TIAM2: variants seen among roughly 807,000 people sequenced by gnomAD.
The protein encoded by TIAM2 is TIAM Rac1 associated GEF 2, also known as rho guanine nucleotide exchange factor TIAM2.
Under a neutral mutation model 152.9 loss-of-function variants are expected in TIAM2, and 80 were observed. The ratio of observed to expected loss-of-function variants is 0.52; its 90% CI spans 0.44 to 0.63. TIAM2 has a LOEUF of 0.63. TIAM2 is among the 30% of genes least tolerant of loss of function. The pLI is 0.00. For synonymous variants in TIAM2, 804 were observed against 838.0 expected, an observed-to-expected ratio of 0.96 and a Z score of 0.70; for missense variants, 1,965 against 2,120.1, an observed-to-expected ratio of 0.93 and a Z score of 1.44.
Position 155,173,988 on chromosome 6 carries a change from G to T in TIAM2, c.2362-2828G>T, listed in dbSNP as rs74749441. On this transcript the variant is annotated intron_variant, in intron 9 of 26. Coordinates refer to ENST00000682666, the MANE Select transcript of TIAM2 (RefSeq NM_012454.4). Reference sequence around the variant, plus strand: ...GGAAGTGAGCACCGGTGTGGAGCAGGAGCATGCCACTCCCTTCTGGGGAAT... The same window carrying T: ...GGAAGTGAGCACCGGTGTGGAGCAGTAGCATGCCACTCCCTTCTGGGGAAT... Among the ~76,000 whole-genome samples, 1,478 of 152,332 alleles carry T rather than the reference G, an allele frequency of 9.7e-3. 12 individuals are homozygous for T. The highest frequency in any genetic ancestry group is 0.017 in the Non-Finnish European group (1,150 of 68,036).
chr6:155,024,687 G>A (rs1247367821), intron 1 of TIAM2, among the ~76,000 whole-genome samples: 1 of 148,818 alleles, frequency 6.7e-6, no homozygotes, highest in Non-Finnish European at 1.5e-5. Context: ...ATGTTTGAAA[G>A]CCAAGCTATA....
At chr6:155,052,819 A>G (rs893964517) in intron 1 of TIAM2, among the ~76,000 whole-genome samples, 6 of 152,012 alleles carry the variant, frequency 3.9e-5, no homozygotes, top group Non-Finnish European at 4.4e-5. Flanking sequence ...GATATGCAAC[A>G]TAGGAAAATC....
chr6:155,248,157 C>G lies in TIAM2; in HGVS notation c.3810C>G (p.Ser1270Arg). ...TGGTGTCCCTGACGGACCAGGAGAG[C>G]GAGGAGCACTACCACCTGACGGGTG... ...KELVSLTDQE[S>R]EEHYHLTEAL... The change falls in exon 20 of 27, where the codon AGC becomes AGG. Residue 1270 changes from serine to arginine, a missense_variant. Physicochemically the swap from Ser to Arg is moderately radical, Grantham distance 110 (BLOSUM62 -1). This residue lies in a region of TIAM2 where 935 missense variants were observed against 980.0 expected (regional missense o/e 0.95). Coordinates refer to ENST00000682666, the MANE Select transcript of TIAM2 (RefSeq NM_012454.4). 4 of 1,613,854 alleles carry G rather than the reference C, an allele frequency of 2.5e-6. No individual in the cohort carries two copies. The highest frequency in any genetic ancestry group is 3.4e-6 in the Non-Finnish European group (4 of 1,179,978).
chr6:155,148,028 C>T (rs1194010802), intron 6 of TIAM2, 82 bp from the exon 7 acceptor site: 1 of 1,408,284 alleles, frequency 7.1e-7, no homozygotes, highest in Admixed American at 1.7e-5. Flanking sequence ...GGGTTTTGTA[C>T]ATCTAAGCCC....
In TIAM2 at chr6:155,248,010, C is replaced by G; in HGVS notation, c.3663C>G (p.Asp1221Glu). 1 of 1,613,998 alleles carries G rather than the reference C, an allele frequency of 6.2e-7. No homozygotes were observed. Among genetic ancestry groups the G allele is most frequent in the Non-Finnish European group, 8.5e-7 (1 of 1,179,914 alleles). Reference sequence around the variant, plus strand: ...TCCATCTGCTTGTAGCTAAAACTGACAAAGCCTTCAAGGCTTTTCTGGACG... The same window carrying G: ...TCCATCTGCTTGTAGCTAAAACTGAGAAAGCCTTCAAGGCTTTTCTGGACG... ...VQKVLERAKTDKAFKAFLDAR... is the reference protein window; with the variant it reads ...VQKVLERAKTEKAFKAFLDAR... The change falls in exon 20 of 27, where the codon GAC becomes GAG. Residue 1221 changes from aspartate to glutamate, a missense_variant. Transcript: ENST00000682666.
chr6:155,251,851 G>T, intron 22 of TIAM2, 94 bp from the exon 23 acceptor site: 1 of 960,572 alleles, frequency 1.0e-6, no homozygotes, highest in South Asian at 1.5e-5. Flanking sequence ...TCATACGTTT[G>T]GAGAGTGTTA....
rs752539424 is a variant in TIAM2 at position 155,251,004 on chromosome 6, T to C, written c.4043T>C (p.Leu1348Pro). The C allele has an allele frequency of 6.2e-7, 1 of 1,614,004 alleles. No homozygotes were observed. Among genetic ancestry groups the C allele is most frequent in the Non-Finnish European group, 8.5e-7 (1 of 1,179,986 alleles). ...FLSLGKARKD[L>P]ELTVFVFKRA... ...TCTCTAGGAAAAGCTAGAAAGGACC[T>C]TGAGCTCACAGTATTTGGTTAGTAT... Residue 1348 changes from leucine (L) to proline (P), a missense_variant, in exon 22 of 27, where the codon CTT (leucine) becomes CCT (proline). Around this residue, in one of 3 missense-constraint regions of TIAM2, gnomAD observed 935 missense variants for 980.0 expected, o/e 0.95. Transcript: ENST00000682666.
intron 14 of TIAM2, among the ~76,000 whole-genome samples, chr6:155,187,098 T>C (rs955350263): frequency 6.6e-6 from 1 of 152,134 alleles, no homozygotes; most frequent in African/African-American, 2.4e-5. Context: ...TGGGCTTATG[T>C]TGCCCTTCCA....
chr6:155,247,837 G>T (rs561691726), intron 19 of TIAM2, among the ~76,000 whole-genome samples, 163 bp from the exon 20 acceptor site: 28 of 152,298 alleles, frequency 1.8e-4, no homozygotes, highest in Admixed American at 1.2e-3. Flanking sequence ...GGAATCCCAC[G>T]CTGACAGCTG....
At chr6:155,107,215 A>T (rs1246894106) in intron 2 of TIAM2, among the ~76,000 whole-genome samples, 3 of 152,160 alleles carry the variant, frequency 2.0e-5, no homozygotes, top group African/African-American at 7.2e-5. Context: ...ACGTAATTTT[A>T]CATGTGAGAT....
At chr6:155,221,136 A>G (rs71544359) in intron 15 of TIAM2, among the ~76,000 whole-genome samples, 2 of 143,304 alleles carry the variant, frequency 1.4e-5, no homozygotes, top group South Asian at 2.4e-4. Flanking sequence ...GAAAAAAAAA[A>G]AAACAAAAAA....
chr6:155,179,010 A>T (rs1299656565), intron 10 of TIAM2, 29 bp from the exon 11 acceptor site: 2 of 1,542,546 alleles, frequency 1.3e-6, no homozygotes, highest in Admixed American at 3.5e-5. Context: ...GAGCATTTAA[A>T]ATCTGAATAA....
At chr6:155,126,302 C>G (rs1354806800) in intron 2 of TIAM2, among the ~76,000 whole-genome samples, 2 of 152,172 alleles carry the variant, frequency 1.3e-5, no homozygotes, top group Non-Finnish European at 2.9e-5. Context: ...ATGACAGTTG[C>G]CAGGGGCTGT....
In TIAM2 at chr6:155,157,901, A is replaced by G. The variant is rs762752804; in HGVS notation, c.2029-6514A>G. On this transcript the variant is annotated intron_variant, in intron 7 of 26. Coordinates refer to ENST00000682666, the MANE Select transcript of TIAM2 (RefSeq NM_012454.4). Reference sequence around the variant, plus strand: ...CGATTTGATGGGAATTACATTGATTATAAAACTGAGTGAATTTTTGGGTAT... The same window carrying G: ...CGATTTGATGGGAATTACATTGATTGTAAAACTGAGTGAATTTTTGGGTAT... Among the ~76,000 whole-genome samples the G allele has an allele frequency of 6.6e-4, 101 of 152,356 alleles. 1 individual carries two copies. Among genetic ancestry groups the G allele is most frequent in the Middle Eastern group, 6.8e-3 (2 of 294 alleles).
At chr6:155,110,055 T>C (rs2115005156) in intron 2 of TIAM2, among the ~76,000 whole-genome samples, 1 of 151,442 alleles carries the variant, frequency 6.6e-6, no homozygotes, top group Non-Finnish European at 1.5e-5. Context: ...TTCAAGGGAC[T>C]CTCCTGCCTC....
chr6:155,237,579 A>G (rs1421692825), intron 15 of TIAM2, among the ~76,000 whole-genome samples: 2 of 152,238 alleles, frequency 1.3e-5, no homozygotes, highest in African/African-American at 2.4e-5. Flanking sequence ...TTCTGCCTGG[A>G]CATCCAGGCA....
chr6:155,211,939 G>C (rs1781732792), intron 15 of TIAM2, among the ~76,000 whole-genome samples: 1 of 151,996 alleles, frequency 6.6e-6, no homozygotes, highest in Admixed American at 6.6e-5. Context: ...CCAATTTCTA[G>C]GTGCCCCATA....
intron 15 of TIAM2, among the ~76,000 whole-genome samples, chr6:155,227,458 G>A (rs1411810392): frequency 6.6e-6 from 1 of 152,222 alleles, no homozygotes; most frequent in Non-Finnish European, 1.5e-5. Context: ...GCAGGCCAGT[G>A]TGTCCTAGGC....
intron 1 of TIAM2, among the ~76,000 whole-genome samples, chr6:155,053,072 C>T (rs573071340): frequency 5.9e-5 from 9 of 152,160 alleles, no homozygotes; most frequent in Non-Finnish European, 1.2e-4. Context: ...TCCAATATTT[C>T]GTACTTTTTA....
Sources: gnomAD v4.1 joint callset for allele counts (sites outside exome capture counted in the v4.1 genomes callset) on GRCh38, gnomAD v4.1.1 for gene constraint, gnomAD v4.1.1 regional missense constraint, MANE v1.5 for transcripts, NCBI Gene and HGNC (gene_info 2026-07-23, HGNC 2026-07-21) for gene names.